The following ATP13A5 variants were observed in gnomAD, a reference collection of about 807,000 sequenced individuals.
ATP13A5 encodes the protein probable cation-transporting ATPase 13A5.
A neutral mutation model predicts 150.2 loss-of-function variants in ATP13A5; 149 were observed. The ratio of observed to expected loss-of-function variants is 0.99; its 90% CI spans 0.87 to 1.14. The LOEUF (loss-of-function observed/expected upper bound fraction) is 1.14, where lower values mean the gene tolerates loss of function less well. Ranked by LOEUF, ATP13A5 falls within the 50% of genes most tolerant of loss-of-function variation. The pLI is 0.00. For missense variants in ATP13A5, 1,383 were observed against 1,449.3 expected (o/e 0.95, Z 0.74); for synonymous variants, 497 against 522.2 (o/e 0.95, Z 0.66).
chr3:193,317,395 G>A (rs538462221), intron 17 of ATP13A5, among the ~76,000 whole-genome samples: 1 of 152,258 alleles, frequency 6.6e-6, no homozygotes, highest in African/African-American at 2.4e-5. Context: ...ATATATTCAT[G>A]AGGACAAGGA....
intron 25 of ATP13A5, among the ~76,000 whole-genome samples, chr3:193,294,984 T>C (rs1472984860): frequency 6.6e-6 from 1 of 152,086 alleles, no homozygotes; most frequent in Non-Finnish European, 1.5e-5. Flanking sequence ...GAGAGTATCA[T>C]GCCACTTTCT....
chr3:193,366,002 T>C (rs1404665512), intron 1 of ATP13A5, among the ~76,000 whole-genome samples: 2 of 152,050 alleles, frequency 1.3e-5, no homozygotes, highest in African/African-American at 2.4e-5. Context: ...CATTTGAAAA[T>C]ATGCCCTAAT....
chr3:193,321,671 G>C lies in ATP13A5; in HGVS notation c.1915+10C>G, dbSNP rs760525920. 6.8e-6 allele frequency: 11 copies of C among 1,613,534 alleles called. No homozygotes were observed. The South Asian group carries it at 9.9e-5, about 14-fold the overall frequency. On this transcript the variant is annotated intron_variant, in intron 16 of 29. Transcript: ENST00000342358. ...GTATTTTACTTCTTGAAAGAGAAAA[G>C]TGTTAGTACCTGTTTCAGATCTGCA...
rs1416585992 is a variant in ATP13A5 at position 193,333,789 on chromosome 3, C to G, written c.1233G>C (p.Met411Ile). 1 of 1,613,780 alleles carries G rather than the reference C, an allele frequency of 6.2e-7. No homozygotes were observed. Among genetic ancestry groups the G allele is most frequent in the African/African-American group, 1.3e-5 (1 of 74,900 alleles). Residue 411 changes from methionine (M) to isoleucine (I), a missense_variant, in exon 11 of 30, where the codon ATG (methionine) becomes ATC (isoleucine). Physicochemically the swap from Met to Ile is conservative, Grantham distance 10. Around this residue, in one of 3 missense-constraint regions of ATP13A5, gnomAD observed 787 missense variants for 771.9 expected, o/e 1.02. Coordinates refer to ENST00000342358, the MANE Select transcript of ATP13A5 (RefSeq NM_198505.4). ...FIVFLACLGV[M>I]GFFYALGVYM... ...ATACCCCTAGGGCATAGAAAAAACC[C>G]ATGACACCAAGGCAGGCCAGGAACA...
intron 25 of ATP13A5, among the ~76,000 whole-genome samples, chr3:193,293,846 G>T (rs959081078): frequency 1.1e-4 from 16 of 151,968 alleles, no homozygotes; most frequent in Admixed American, 9.9e-4. Flanking sequence ...AAACACAGAT[G>T]GGGTGTACGA....
chr3:193,307,360 CACATAATA>C lies in ATP13A5; in HGVS notation c.2527_2534del (p.Tyr843GlyfsTer8). The C allele has an allele frequency of 6.2e-7, 1 of 1,613,846 alleles. No individual in the cohort carries two copies. The highest frequency in any genetic ancestry group is 1.1e-5 in the South Asian group (1 of 91,064). On this transcript the variant is annotated frameshift_variant and splice_region_variant, in exon 22 of 30. Transcript: ENST00000342358. LOFTEE classifies it high-confidence loss of function. ...CGTTAGCTCCATCTCCACACATGCC[CACATAATA>C]ACTGCGGGAGACAGGAGAAGAAGGA...
chr3:193,322,593 A>T lies in ATP13A5; in HGVS notation c.1675-19T>A. 2.0e-6 allele frequency: 3 copies of T among 1,489,224 alleles called. No homozygotes were observed. The highest frequency in any genetic ancestry group is 2.8e-6 in the Non-Finnish European group (3 of 1,070,850). The allele number at this position is 1,489,224 out of a possible 1,614,324, so 92.3% of individuals were successfully genotyped here. On this transcript the variant is annotated intron_variant, in intron 14 of 29. Transcript: ENST00000342358. ...CCATTTTCTGTTATAAAATGAAAAC[A>T]TTCATAAGATTCTTTGAATAAAAAT...
rs1324779626 is a variant in ATP13A5 at position 193,322,504 on chromosome 3, G to T, written c.1745C>A (p.Pro582Gln). The T allele has an allele frequency of 3.1e-6, 5 of 1,612,816 alleles. No homozygotes were observed. In the East Asian group the frequency reaches 1.1e-4, roughly 36 times the overall value. Residue 582 changes from proline to glutamine, a missense_variant, in exon 15 of 30, where the codon CCA (proline) becomes CAA (glutamine). This residue lies in a region of ATP13A5 where 787 missense variants were observed against 771.9 expected (regional missense o/e 1.02). Coordinates refer to ENST00000342358, the MANE Select transcript of ATP13A5 (RefSeq NM_198505.4). ...AGGAAATCATACCTTACTGGCTTTT[G>T]GTCCTGGTTTTATGATGTTTGAAAC... is the stretch of plus-strand genomic sequence containing the variant. ...TSVSNIIKPG[P>Q]KASKSPVEAI...
chr3:193,304,659 A>G lies in ATP13A5; in HGVS notation c.2678+900T>C, dbSNP rs142792252. On this transcript the variant is annotated intron_variant, in intron 23 of 29. Coordinates refer to ENST00000342358, the MANE Select transcript of ATP13A5 (RefSeq NM_198505.4). ...TTTTGTTCTTAACTACATTTAAAAT[A>G]TAAGTAGACATGAGATCAGAAATCA... Among the ~76,000 whole-genome samples, 712 of 152,360 alleles carry G rather than the reference A, an allele frequency of 4.7e-3. 7 individuals are homozygous for G. Among genetic ancestry groups the G allele is most frequent in the African/African-American group, 0.017 (693 of 41,588 alleles).
intron 22 of ATP13A5, among the ~76,000 whole-genome samples, chr3:193,305,976 A>G (rs1324473533): frequency 6.6e-6 from 1 of 152,034 alleles, no homozygotes; most frequent in Admixed American, 6.6e-5. Flanking sequence ...GGAAGCCCTC[A>G]TTCAAAAACT....
chr3:193,289,822 T>C, intron 26 of ATP13A5, 63 bp downstream of exon 26: 1 of 1,470,156 alleles, frequency 6.8e-7, no homozygotes, highest in Non-Finnish European at 9.1e-7. Flanking sequence ...AGCCAAGTTA[T>C]GCAATGTCAT....
chr3:193,285,262 C>T, intron 26 of ATP13A5, 146 bp from the exon 27 acceptor site: 1 of 655,838 alleles, frequency 1.5e-6, no homozygotes, highest in South Asian at 2.0e-5. Flanking sequence ...TTGTTCACCT[C>T]TTGCTATGAC....
At position 193,284,786 on chromosome 3, in the gene ATP13A5, A is replaced by T. The variant is rs1717647481; in HGVS notation, c.3226+128T>A. On this transcript the variant is annotated intron_variant, in intron 27 of 29. Transcript: ENST00000342358. ...TCTACCAACGATGACCACTGCATTC[A>T]ACAACAATTTTAGAGTCATGCAATT... The T allele has an allele frequency of 3.7e-6, 3 of 819,636 alleles. No homozygotes were observed. The Admixed American group carries it at 9.1e-5, about 25-fold the overall frequency. 50.8% of individuals were successfully genotyped at this position (819,636 alleles called of 1,614,324 possible).
intron 9 of ATP13A5, among the ~76,000 whole-genome samples, chr3:193,335,900 A>G (rs1711839462): frequency 6.6e-6 from 1 of 152,174 alleles, no homozygotes; most frequent in Non-Finnish European, 1.5e-5. Context: ...TGGTGGCTAT[A>G]AGACAGAATA....
chr3:193,291,114 C>T (rs1051237700), intron 25 of ATP13A5, among the ~76,000 whole-genome samples: 1 of 152,084 alleles, frequency 6.6e-6, no homozygotes, highest in African/African-American at 2.4e-5. Context: ...AATATGTGTT[C>T]TGGGGTAATC....
intron 1 of ATP13A5, among the ~76,000 whole-genome samples, chr3:193,373,395 C>T (rs928775920): frequency 2.0e-5 from 3 of 152,024 alleles, no homozygotes; most frequent in African/African-American, 4.8e-5. Context: ...CCACCTGCCT[C>T]GGCCTCTCAA....
chr3:193,377,837 G>A (rs990930989), intron 1 of ATP13A5, among the ~76,000 whole-genome samples: 16 of 152,202 alleles, frequency 1.1e-4, no homozygotes, highest in Admixed American at 6.5e-4. Flanking sequence ...TGGAGCCACT[G>A]TTGTATGGTG....
intron 6 of ATP13A5, among the ~76,000 whole-genome samples, chr3:193,351,734 C>A (rs1350558812): frequency 2.6e-5 from 4 of 152,156 alleles, no homozygotes; most frequent in African/African-American, 9.7e-5. Context: ...CAGCCAAGTT[C>A]TTCTCTTGAA....
At chr3:193,293,861 C>G (rs1386571006) in intron 25 of ATP13A5, among the ~76,000 whole-genome samples, 1 of 151,966 alleles carries the variant, frequency 6.6e-6, no homozygotes, top group Non-Finnish European at 1.5e-5. Context: ...GTACGAGATG[C>G]ACTTCTATAA....
Sources: allele counts gnomAD v4.1 joint callset (sites outside exome capture counted in the v4.1 genomes callset), GRCh38; gene constraint gnomAD v4.1.1; regional missense constraint gnomAD v4.1.1; transcripts MANE v1.5; gene names NCBI Gene and HGNC (gene_info 2026-07-23, HGNC 2026-07-21).